PLCL1: variants seen among roughly 807,000 people sequenced by gnomAD.
PLCL1 encodes phospholipase C like 1 (inactive), also known as inactive phospholipase C-like protein 1.
A neutral mutation model predicts 84.4 loss-of-function variants in PLCL1; 41 were observed. The ratio of observed to expected loss-of-function variants is 0.49; its 90% CI spans 0.38 to 0.63. PLCL1 has a LOEUF of 0.63. Among genes scored for constraint, PLCL1 ranks in the 30% least tolerant of loss-of-function variants. The pLI, the probability that PLCL1 is intolerant of heterozygous loss-of-function variation, is 0.00. For synonymous variants in PLCL1, 490 were observed against 488.3 expected, an observed-to-expected ratio of 1.00 and a Z score of -0.05; for missense variants, 1,206 against 1,367.8, an observed-to-expected ratio of 0.88 and a Z score of 1.87.
chr2:197,994,550 A>G (rs1417214012), intron 1 of PLCL1, among the ~76,000 whole-genome samples: 9 of 152,216 alleles, frequency 5.9e-5, no homozygotes, highest in African/African-American at 2.2e-4. Flanking sequence ...CCCAATGTAG[A>G]AACACAGGCC....
intron 1 of PLCL1, among the ~76,000 whole-genome samples, chr2:197,830,754 G>A (rs1309028681): frequency 6.6e-6 from 1 of 152,138 alleles, no homozygotes; most frequent in Non-Finnish European, 1.5e-5. Context: ...AGGAAAAAAT[G>A]TTAAGGGCAG....
At chr2:198,065,391 G>A (rs912314739) in intron 1 of PLCL1, among the ~76,000 whole-genome samples, 2 of 152,060 alleles carry the variant, frequency 1.3e-5, no homozygotes, top group African/African-American at 4.8e-5. Flanking sequence ...TCCACCAATT[G>A]CTTGATAAAT....
Position 197,971,496 on chromosome 2 carries a change from G to A in PLCL1, c.241-112262G>A, listed in dbSNP as rs75268026. On this transcript the variant is annotated intron_variant, in intron 1 of 5. Transcript: ENST00000428675. The stretch of plus-strand genomic sequence containing the variant: ...TACGAACCCAGAAGGAGTTATGGAC[G>A]GATGCATACTAGGCTGTTCCATTGG... Among the ~76,000 whole-genome samples, 1,446 of 152,304 alleles carry A rather than the reference G, an allele frequency of 9.5e-3. 25 individuals carry two copies. The highest frequency in any genetic ancestry group is 0.033 in the African/African-American group (1,371 of 41,558).
At chr2:197,975,028 C>G (rs1173261007) in intron 1 of PLCL1, among the ~76,000 whole-genome samples, 1 of 151,534 alleles carries the variant, frequency 6.6e-6, no homozygotes, top group East Asian at 1.9e-4. Context: ...GTAGTCCCAG[C>G]TACTCGGGAG....
intron 5 of PLCL1, among the ~76,000 whole-genome samples, chr2:198,137,506 G>A (rs1210999723): frequency 6.6e-6 from 1 of 152,166 alleles, no homozygotes; most frequent in Non-Finnish European, 1.5e-5. Context: ...ATTTGGTGCT[G>A]TGCCATAAAG....
intron 1 of PLCL1, among the ~76,000 whole-genome samples, chr2:197,937,640 A>G (rs966091517): frequency 2.6e-5 from 4 of 152,248 alleles, no homozygotes; most frequent in African/African-American, 9.6e-5. Flanking sequence ...GTTTTCTGCC[A>G]TATCATCCTT....
intron 1 of PLCL1, among the ~76,000 whole-genome samples, chr2:197,838,952 T>G (rs1193419184): frequency 2.0e-5 from 3 of 152,196 alleles, no homozygotes; most frequent in Non-Finnish European, 4.4e-5. Context: ...TGTGAAATTT[T>G]TACACTGTTT....
intron 5 of PLCL1, among the ~76,000 whole-genome samples, chr2:198,110,836 G>C (rs1009719937): frequency 3.3e-5 from 5 of 151,752 alleles, no homozygotes; most frequent in South Asian, 2.1e-4. Context: ...CTTTTCCAGT[G>C]GTGTCTCTGG....
intron 1 of PLCL1, among the ~76,000 whole-genome samples, chr2:198,031,867 G>A (rs1464118581): frequency 1.3e-5 from 2 of 151,874 alleles, no homozygotes; most frequent in East Asian, 3.9e-4. Context: ...TATATGTTGG[G>A]TGACAATTAG....
chr2:198,148,555 G>T lies in PLCL1; in HGVS notation c.*1593G>T, dbSNP rs1694580481. 1 of 152,298 alleles carries T rather than the reference G, an allele frequency of 6.6e-6. No individual in the cohort carries two copies. The highest frequency in any genetic ancestry group is 2.4e-5 in the African/African-American group (1 of 41,462). The allele number at this position is 152,298 out of a possible 1,614,324, so 9.4% of individuals were successfully genotyped here. On this transcript the variant is annotated 3_prime_UTR_variant, in exon 6 of 6. Coordinates refer to ENST00000428675, the MANE Select transcript of PLCL1 (RefSeq NM_006226.4). ...TTTAAAACTGGGCACTCGAGGAGGA[G>T]GTACCTGAAGTCATTTGAAGGCAAG...
At chr2:198,073,509 G>A (rs577014829) in intron 1 of PLCL1, among the ~76,000 whole-genome samples, 24 of 152,308 alleles carry the variant, frequency 1.6e-4, no homozygotes, top group African/African-American at 5.3e-4. Flanking sequence ...TTGAAACCAA[G>A]TTGGCTATTT....
intron 1 of PLCL1, among the ~76,000 whole-genome samples, chr2:197,872,544 C>A (rs559941428): frequency 4.6e-5 from 7 of 152,228 alleles, no homozygotes; most frequent in African/African-American, 1.7e-4. Flanking sequence ...TTCAGCTCTA[C>A]CATTTACTAG....
chr2:198,032,334 TA>T (rs371577746), intron 1 of PLCL1, among the ~76,000 whole-genome samples: 13 of 149,546 alleles, frequency 8.7e-5, no homozygotes, highest in South Asian at 4.2e-4. Flanking sequence ...ATGAGAATAA[TA>T]AAAAAAAAAC....
chr2:197,966,413 C>T (rs1000787834), intron 1 of PLCL1, among the ~76,000 whole-genome samples: 3 of 152,114 alleles, frequency 2.0e-5, no homozygotes, highest in African/African-American at 7.2e-5. Flanking sequence ...ATAAGCCTTG[C>T]CAGAATTCAG....
chr2:198,070,200 C>G (rs937512003), intron 1 of PLCL1, among the ~76,000 whole-genome samples: 4 of 151,846 alleles, frequency 2.6e-5, no homozygotes, highest in Non-Finnish European at 5.9e-5. Flanking sequence ...CTTACTGAGC[C>G]CAATACTTTG....
At chr2:197,839,741 CAG>C (rs1474899203) in intron 1 of PLCL1, among the ~76,000 whole-genome samples, 5 of 152,172 alleles carry the variant, frequency 3.3e-5, no homozygotes, top group Non-Finnish European at 5.9e-5. Context: ...TTCATATCTC[CAG>C]AGAGTCTTTA....
chr2:197,966,745 T>C (rs76749999), intron 1 of PLCL1, among the ~76,000 whole-genome samples: 2 of 151,914 alleles, frequency 1.3e-5, no homozygotes, highest in Admixed American at 6.6e-5. Flanking sequence ...ATGATGGTGC[T>C]TTTTTTTCTG....
At chr2:197,951,748 C>T (rs1355189436) in intron 1 of PLCL1, among the ~76,000 whole-genome samples, 1 of 152,116 alleles carries the variant, frequency 6.6e-6, no homozygotes, top group Non-Finnish European at 1.5e-5. Context: ...ATAGGAAGGA[C>T]GTTTTATTAA....
rs758062069 is a variant in PLCL1, at chr2:198,084,428, G to A, written c.911G>A (p.Cys304Tyr). The A allele has an allele frequency of 6.2e-7, 1 of 1,614,146 alleles. No homozygotes were observed. The highest frequency in any genetic ancestry group is 8.5e-7 in the Non-Finnish European group (1 of 1,180,000). ...ACCCGCGTGACCGAAGAGGAATTTT[G>A]TGAAGCTTTTTGTGAACTTTGCACC... ...LTTRVTEEEF[C>Y]EAFCELCTRP... Residue 304 changes from cysteine to tyrosine, a missense_variant, in exon 2 of 6, where the codon TGT (cysteine) becomes TAT (tyrosine). By Grantham distance (194) the Cys-to-Tyr change is radical (BLOSUM62 -2). Transcript: ENST00000428675.
Sources: gnomAD v4.1 joint callset for allele counts (sites outside exome capture counted in the v4.1 genomes callset) on GRCh38, gnomAD v4.1.1 for gene constraint, MANE v1.5 for transcripts, NCBI Gene and HGNC (gene_info 2026-07-23, HGNC 2026-07-21) for gene names.